CDH2: variants seen among roughly 807,000 people sequenced by gnomAD.
The protein encoded by CDH2 is cadherin-2.
A neutral mutation model predicts 92.0 loss-of-function variants in CDH2; 17 were observed. The ratio of observed to expected loss-of-function variants is 0.18; its 90% CI spans 0.13 to 0.28. CDH2 has a LOEUF of 0.28. CDH2 is among the 10% of genes least tolerant of loss of function. The pLI is 1.00. For synonymous variants in CDH2, 419 were observed against 415.9 expected, an observed-to-expected ratio of 1.01 and a Z score of -0.09; for missense variants, 862 against 1,133.1, an observed-to-expected ratio of 0.76 and a Z score of 3.44.
intron 2 of CDH2, among the ~76,000 whole-genome samples, chr18:28,079,246 G>A (rs2144186476): frequency 6.6e-6 from 1 of 152,138 alleles, no homozygotes; most frequent in South Asian, 2.1e-4. Context: ...CCTCCCTTCA[G>A]ATTACAAAAA....
chr18:27,933,481 A>G (rs1598973272), intron 6 of CDH2, among the ~76,000 whole-genome samples: 4 of 152,170 alleles, frequency 2.6e-5, no homozygotes, highest in Admixed American at 2.0e-4. Flanking sequence ...CTGAACCCCT[A>G]TAGCATGTCC....
chr18:27,984,125 A>C (rs2012149204), intron 13 of CDH2, among the ~76,000 whole-genome samples: 1 of 152,230 alleles, frequency 6.6e-6, no homozygotes, highest in Non-Finnish European at 1.5e-5. Context: ...GGAAGTAAAA[A>C]ATGCTTAGAC....
chr18:28,147,654 A>G lies in CDH2; in HGVS notation c.172+19T>C, dbSNP rs1247964708. ...GAGCATGGACACTGCATGTACAAAT[A>G]TATCTTTTGAGATAGTACCATTGAG... On this transcript the variant is annotated intron_variant, in intron 2 of 15. Transcript: ENST00000269141. 1.4e-6 allele frequency: 2 copies of G among 1,459,478 alleles called. No homozygotes were observed. Among genetic ancestry groups the G allele is most frequent in the Non-Finnish European group, 1.9e-6 (2 of 1,046,310 alleles). 90.4% of individuals were successfully genotyped at this position (1,459,478 alleles called of 1,614,324 possible).
intron 14 of CDH2, 95 bp downstream of exon 14, chr18:27,982,849 C>T (rs2012101439): frequency 2.7e-6 from 2 of 727,550 alleles, no homozygotes; most frequent in Non-Finnish European, 4.1e-6. Context: ...AGGAGGGAAA[C>T]CTGATACCAT....
At chr18:28,152,824 G>A (rs2016145571) in intron 1 of CDH2, among the ~76,000 whole-genome samples, 1 of 152,126 alleles carries the variant, frequency 6.6e-6, no homozygotes, top group Non-Finnish European at 1.5e-5. Context: ...GACAAGCTAG[G>A]ACACAGACCT....
chr18:28,014,512 T>A (rs1037527182), intron 2 of CDH2, among the ~76,000 whole-genome samples: 11 of 152,164 alleles, frequency 7.2e-5, no homozygotes, highest in African/African-American at 2.7e-4. Context: ...TCTAGAATTG[T>A]AAGACCTTAT....
At chr18:28,000,987 T>C (rs1299102038) in intron 7 of CDH2, among the ~76,000 whole-genome samples, 3 of 152,116 alleles carry the variant, frequency 2.0e-5, no homozygotes, top group Non-Finnish European at 4.4e-5. Context: ...CCATCCGAGA[T>C]AGATGCATTT....
At chr18:27,975,248 AG>A (rs960570379) in intron 14 of CDH2, among the ~76,000 whole-genome samples, 3 of 152,206 alleles carry the variant, frequency 2.0e-5, no homozygotes, top group African/African-American at 7.2e-5. Flanking sequence ...ACAAGGGCCA[AG>A]AACCCAAGAG....
intron 15 of CDH2, among the ~76,000 whole-genome samples, chr18:27,953,680 G>C (rs963711484): frequency 6.6e-6 from 1 of 152,086 alleles, no homozygotes; most frequent in Non-Finnish European, 1.5e-5. Flanking sequence ...TGGTGTAGTG[G>C]TTAAGAGATC....
rs190670577 is a variant in CDH2 at position 27,956,728 on chromosome 18, A to G, written c.2515-4369T>C. Among the ~76,000 whole-genome samples, 20 of 152,306 alleles carry G rather than the reference A, an allele frequency of 1.3e-4. 1 individual carries two copies. In the East Asian group the frequency reaches 3.9e-3, roughly 29 times the overall value. Reference sequence around the variant, plus strand: ...TGCTCTCTATGACTCCTTCCAAATGAAAGAGTTCCCCCGACAATGGGCAAA... The same window carrying G: ...TGCTCTCTATGACTCCTTCCAAATGGAAGAGTTCCCCCGACAATGGGCAAA... On this transcript the variant is annotated intron_variant, in intron 15 of 15. Coordinates refer to ENST00000269141, the MANE Select transcript of CDH2 (RefSeq NM_001792.5).
chr18:28,031,886 T>A (rs2013705308), intron 2 of CDH2, among the ~76,000 whole-genome samples: 1 of 152,114 alleles, frequency 6.6e-6, no homozygotes, highest in Admixed American at 6.6e-5. Context: ...ACTTGTCCAG[T>A]CAAATCAGAT....
chr18:28,015,602 C>T (rs1027645757), intron 2 of CDH2, among the ~76,000 whole-genome samples: 1 of 152,042 alleles, frequency 6.6e-6, no homozygotes, highest in African/African-American at 2.4e-5. Flanking sequence ...TTTTATATTA[C>T]AAGAGGGATT....
chr18:27,937,321 A>C (rs2143830374), intron 6 of CDH2, among the ~76,000 whole-genome samples: 1 of 152,300 alleles, frequency 6.6e-6, no homozygotes, highest in South Asian at 2.1e-4. Context: ...GACATGACTA[A>C]GTTTTTTTTC....
At chr18:27,988,446 G>C (rs2012303702) in intron 11 of CDH2, 78 bp downstream of exon 11, 7 of 1,298,400 alleles carry the variant, frequency 5.4e-6, no homozygotes, top group Non-Finnish European at 7.5e-6. Context: ...GAGTTTTGTA[G>C]AAAACTTTAA....
At chr18:27,957,482 G>T (rs909326079) in intron 15 of CDH2, among the ~76,000 whole-genome samples, 1 of 151,800 alleles carries the variant, frequency 6.6e-6, no homozygotes, top group African/African-American at 2.4e-5. Context: ...AAACTCCTAG[G>T]CTCAAGCGAT....
chr18:28,142,727 G>T (rs2015974913), intron 2 of CDH2, among the ~76,000 whole-genome samples: 1 of 151,864 alleles, frequency 6.6e-6, no homozygotes, highest in Middle Eastern at 3.2e-3. Flanking sequence ...AAGTGCAAGG[G>T]CCTGGCTGGC....
intron 14 of CDH2, among the ~76,000 whole-genome samples, chr18:27,976,376 G>A (rs956640217): frequency 6.6e-6 from 1 of 152,156 alleles, no homozygotes; most frequent in Non-Finnish European, 1.5e-5. Flanking sequence ...CCAAGGCCTT[G>A]GGATGGTTAA....
At chr18:28,017,123 G>A (rs527952539) in intron 2 of CDH2, among the ~76,000 whole-genome samples, 1 of 152,214 alleles carries the variant, frequency 6.6e-6, no homozygotes, top group East Asian at 1.9e-4. Context: ...GGTGATACCG[G>A]CTTCACAGAA....
chr18:28,011,820 A>G (rs367607772), intron 4 of CDH2, 26 bp downstream of exon 4: 17 of 1,607,712 alleles, frequency 1.1e-5, no homozygotes, highest in South Asian at 2.2e-5. Context: ...TGTGGTATGA[A>G]AACAGTTAAA....
Sources: allele counts gnomAD v4.1 joint callset (sites outside exome capture counted in the v4.1 genomes callset), GRCh38; gene constraint gnomAD v4.1.1; transcripts MANE v1.5; gene names NCBI Gene and HGNC (gene_info 2026-07-23, HGNC 2026-07-21).